Variants in RFC3 observed in about 807,000 individuals in gnomAD.
RFC3 encodes A1 38 kDa subunit.
A neutral mutation model predicts 45.1 loss-of-function variants in RFC3; 41 were observed. That is an observed-to-expected ratio of 0.91 (90% confidence interval 0.71 to 1.18). RFC3 has a LOEUF of 1.18. Ranked by LOEUF, RFC3 falls within the 50% of genes most tolerant of loss-of-function variation. The probability of loss-of-function intolerance (pLI) is 0.00; values close to 1 mark genes in which losing one functional copy is unlikely to be tolerated. For synonymous variants in RFC3, 149 were observed against 144.0 expected, an observed-to-expected ratio of 1.03 and a Z score of -0.25; for missense variants, 423 against 428.1, an observed-to-expected ratio of 0.99 and a Z score of 0.10.
chr13:33,840,678 T>C (rs1384245707), downstream of RFC3, among the ~76,000 whole-genome samples: 1 of 148,942 alleles, frequency 6.7e-6, no homozygotes, highest in Non-Finnish European at 1.5e-5. Flanking sequence ...ACTGTGTGTA[T>C]CCATTTATAC....
At chr13:33,871,531 A>G (rs1445920905) in intron 8 of RFC3, among the ~76,000 whole-genome samples, 1 of 152,174 alleles carries the variant, frequency 6.6e-6, no homozygotes, top group Non-Finnish European at 1.5e-5. Context: ...CTAATCCGGG[A>G]TAATCTCCCA....
At chr13:33,959,169 G>T (rs2137857035) in intron 8 of RFC3, among the ~76,000 whole-genome samples, 2 of 152,214 alleles carry the variant, frequency 1.3e-5, no homozygotes, top group Middle Eastern at 6.8e-3. Flanking sequence ...AATGTCTCTT[G>T]TGTTAAATTC....
At chr13:33,833,653 C>T (rs2082124066) in intron 7 of RFC3, among the ~76,000 whole-genome samples, 1 of 152,158 alleles carries the variant, frequency 6.6e-6, no homozygotes, top group African/African-American at 2.4e-5. Context: ...TAGGTAACTA[C>T]ATCCTGAATC....
At chr13:33,893,003 A>C (rs1411124) in intron 8 of RFC3, among the ~76,000 whole-genome samples, 47,067 of 152,060 alleles carry the variant, frequency 0.31, 11,708 homozygotes, top group African/African-American at 0.67. Flanking sequence ...TGGCAGGAGA[A>C]CTGTCCCTGC....
chr13:33,825,652 TA>T, intron 3 of RFC3, 136 bp from the exon 4 acceptor site: 1 of 422,748 alleles, frequency 2.4e-6, no homozygotes, highest in East Asian at 3.6e-5. Flanking sequence ...TAAAACTTTT[TA>T]CTTTTGAAGG....
intron 8 of RFC3, among the ~76,000 whole-genome samples, chr13:33,960,837 C>T (rs551031012): frequency 6.6e-6 from 1 of 152,196 alleles, no homozygotes; most frequent in African/African-American, 2.4e-5. Flanking sequence ...TATTGCCTGC[C>T]TGAAATCTGC....
chr13:33,903,268 A>G (rs7338048), intron 8 of RFC3, among the ~76,000 whole-genome samples: 26,894 of 152,042 alleles, frequency 0.18, 5,140 homozygotes, highest in African/African-American at 0.48. Context: ...TTTCTGTGGT[A>G]TAAATACTCC....
chr13:33,941,285 A>G (rs371161689), intron 8 of RFC3, among the ~76,000 whole-genome samples: 64 of 151,916 alleles, frequency 4.2e-4, no homozygotes, highest in African/African-American at 1.3e-3. Flanking sequence ...TCACCCTTCA[A>G]TGTGTCTGCG....
intron 8 of RFC3, among the ~76,000 whole-genome samples, chr13:33,851,837 C>T (rs982198720): frequency 6.6e-6 from 1 of 152,148 alleles, no homozygotes; most frequent in African/African-American, 2.4e-5. Context: ...ATAATCTGGT[C>T]TACAATCTTG....
intron 8 of RFC3, among the ~76,000 whole-genome samples, chr13:33,940,492 A>G (rs2137800884): frequency 6.6e-6 from 1 of 152,342 alleles, no homozygotes; most frequent in East Asian, 1.9e-4. Context: ...TGTGAAAAGC[A>G]TGCATATTCT....
At chr13:33,820,201 C>A (rs2081989220) in intron 1 of RFC3, among the ~76,000 whole-genome samples, 1 of 152,184 alleles carries the variant, frequency 6.6e-6, no homozygotes, top group South Asian at 2.1e-4. Context: ...AAAGCTTTTG[C>A]AAAACTCATC....
intron 8 of RFC3, among the ~76,000 whole-genome samples, chr13:33,913,150 AGT>A (rs1383224807): frequency 6.6e-6 from 1 of 152,150 alleles, no homozygotes; most frequent in Non-Finnish European, 1.5e-5. Context: ...TGAAAATATC[AGT>A]GTATGTATGT....
intron 4 of RFC3, 182 bp from the exon 5 acceptor site, chr13:33,829,654 G>A (rs982811759): frequency 1.6e-6 from 1 of 613,948 alleles, no homozygotes; most frequent in African/African-American, 1.9e-5. Flanking sequence ...GAGTATGATT[G>A]TAGCATTTTA....
At chr13:33,961,134 A>C (rs2083054686) in intron 8 of RFC3, among the ~76,000 whole-genome samples, 1 of 152,182 alleles carries the variant, frequency 6.6e-6, no homozygotes, top group African/African-American at 2.4e-5. Flanking sequence ...AATTTTACTG[A>C]GTGTCCTGGA....
At chr13:33,925,990 A>C (rs1211262932) in intron 8 of RFC3, among the ~76,000 whole-genome samples, 1 of 152,034 alleles carries the variant, frequency 6.6e-6, no homozygotes, top group East Asian at 1.9e-4. Flanking sequence ...TGGATTAGGA[A>C]AATGTGGCAC....
At chr13:33,823,236 T>C (rs1031742811) in intron 2 of RFC3, among the ~76,000 whole-genome samples, 1 of 152,130 alleles carries the variant, frequency 6.6e-6, no homozygotes, top group Non-Finnish European at 1.5e-5. Flanking sequence ...CATACACACA[T>C]ACACACACAT....
intron 1 of RFC3, among the ~76,000 whole-genome samples, chr13:33,819,492 TAAG>T (rs763791992): frequency 6.6e-5 from 10 of 152,182 alleles, no homozygotes; most frequent in Non-Finnish European, 1.0e-4. Flanking sequence ...GTCTTAAAAA[TAAG>T]AAATAATAAG....
chr13:33,900,041 A>C (rs1211831389), intron 8 of RFC3, among the ~76,000 whole-genome samples: 1 of 152,084 alleles, frequency 6.6e-6, no homozygotes, highest in East Asian at 1.9e-4. Context: ...AACACAAAAA[A>C]TGAAAGCACA....
intron 8 of RFC3, among the ~76,000 whole-genome samples, chr13:33,944,493 A>G (rs1378752779): frequency 6.6e-6 from 1 of 152,154 alleles, no homozygotes; most frequent in Non-Finnish European, 1.5e-5. Flanking sequence ...CCATTTAGTC[A>G]CACATATGTT....
Sources: allele counts gnomAD v4.1 joint callset (sites outside exome capture counted in the v4.1 genomes callset), GRCh38; gene constraint gnomAD v4.1.1; transcripts MANE v1.5; gene names NCBI Gene and HGNC (gene_info 2026-07-23, HGNC 2026-07-21).